PANK3: variants seen among roughly 807,000 people sequenced by gnomAD.
PANK3 encodes the protein hPanK3.
A neutral mutation model predicts 39.4 loss-of-function variants in PANK3; 20 were observed. That is an observed-to-expected ratio of 0.51 (90% CI 0.36 to 0.74). The LOEUF is 0.74. Ranked by LOEUF, PANK3 falls within the 30% of genes least tolerant of loss-of-function variation. The pLI is 0.00. For synonymous variants in PANK3, 140 were observed against 157.3 expected (o/e 0.89, Z 0.82); for missense variants, 265 against 437.0 (o/e 0.61, Z 3.51).
intron 3 of PANK3, among the ~76,000 whole-genome samples, 183 bp from the exon 4 acceptor site, chr5:168,564,248 T>C (rs1011895657): frequency 1.3e-5 from 2 of 151,876 alleles, no homozygotes; most frequent in Non-Finnish European, 2.9e-5. Context: ...ACTTGTTAGA[T>C]CAAAGAATAA....
chr5:168,564,201 C>T, intron 3 of PANK3, 136 bp from the exon 4 acceptor site: 1 of 754,602 alleles, frequency 1.3e-6, no homozygotes, highest in Non-Finnish European at 1.9e-6. Context: ...GCTGAAATAA[C>T]ATAACGAAGG....
chr5:168,563,459 G>A (rs1338126793), intron 4 of PANK3, among the ~76,000 whole-genome samples: 1 of 152,058 alleles, frequency 6.6e-6, no homozygotes, highest in Non-Finnish European at 1.5e-5. Context: ...CCGCTCTTTT[G>A]CATAATTAAC....
chr5:168,560,699 A>G (rs1342618794), intron 5 of PANK3, among the ~76,000 whole-genome samples: 2 of 152,224 alleles, frequency 1.3e-5, no homozygotes, highest in Non-Finnish European at 2.9e-5. Flanking sequence ...CGTACTTCCC[A>G]ATCCATTTAA....
chr5:168,553,200 C>A lies in PANK3; in HGVS notation c.*4371G>T. ...GCTCTTCAGACCCCAAGATGAACTC[C>A]AGACCAAAGATCTGGATCTCCAGAA... On this transcript the variant is annotated 3_prime_UTR_variant, in exon 7 of 7. Transcript: ENST00000239231. 2.0e-6 allele frequency: 1 copy of A among 503,118 alleles called. No homozygotes were observed. The highest frequency in any genetic ancestry group is 4.1e-6 in the Non-Finnish European group (1 of 245,920). 31.2% of individuals were successfully genotyped at this position (503,118 alleles called of 1,614,324 possible).
At chr5:168,574,525 T>G (rs1759700989) in intron 1 of PANK3, among the ~76,000 whole-genome samples, 1 of 152,166 alleles carries the variant, frequency 6.6e-6, no homozygotes, top group African/African-American at 2.4e-5. Flanking sequence ...AGACATTAAG[T>G]ACAACCACAG....
rs192977233 is a variant in PANK3 at position 168,554,451 on chromosome 5, T to A, written c.*3120A>T. The A allele has an allele frequency of 1.6e-4, 24 of 152,302 alleles. No individual in the cohort carries two copies. Among genetic ancestry groups the A allele is most frequent in the Admixed American group, 1.4e-3 (22 of 15,302 alleles). 9.4% of individuals were successfully genotyped at this position (152,302 alleles called of 1,614,324 possible). A position where few individuals can be genotyped will look rare whatever the true frequency, so the allele number is the denominator to read the frequency against. ...GTAGTTTTCAAATTTTATACTCAAG[T>A]CCTTATATTCGATTACAGGCATGAG... On this transcript the variant is annotated 3_prime_UTR_variant, in exon 7 of 7. Transcript: ENST00000239231.
At chr5:168,565,269 T>C (rs1310640992) in intron 3 of PANK3, among the ~76,000 whole-genome samples, 1 of 152,218 alleles carries the variant, frequency 6.6e-6, no homozygotes, top group East Asian at 1.9e-4. Context: ...CACCTCTCTG[T>C]AAAAGTTGAT....
chr5:168,575,815 AGGGGG>A (rs1161110331), intron 1 of PANK3, among the ~76,000 whole-genome samples: 1 of 151,684 alleles, frequency 6.6e-6, no homozygotes, highest in African/African-American at 2.4e-5. Flanking sequence ...GAAATAGGGG[AGGGGG>A]GAGATACTAA....
At chr5:168,572,107 G>A (rs1451329108) in intron 1 of PANK3, among the ~76,000 whole-genome samples, 1 of 143,910 alleles carries the variant, frequency 6.9e-6, no homozygotes, top group African/African-American at 2.5e-5. Context: ...TAGCAACATA[G>A]GCCTTTTTTT....
chr5:168,556,041 G>A lies in PANK3; in HGVS notation c.*1530C>T, dbSNP rs1445062822. The A allele has an allele frequency of 3.3e-5, 5 of 152,150 alleles. No homozygotes were observed. Among genetic ancestry groups the A allele is most frequent in the African/African-American group, 4.8e-5 (2 of 41,422 alleles). The allele number at this position is 152,150 out of a possible 1,614,324, so 9.4% of individuals were successfully genotyped here. A position where few individuals can be genotyped will look rare whatever the true frequency, so the allele number is the denominator to read the frequency against. On this transcript the variant is annotated 3_prime_UTR_variant, in exon 7 of 7. Coordinates refer to ENST00000239231, the MANE Select transcript of PANK3 (RefSeq NM_024594.4). ...CCTCTGCTGAGTGGAATTTGCATTCGTTACTTCAAAATTCAGACTCATCTA... is the reference window on the plus strand; with the variant it reads ...CCTCTGCTGAGTGGAATTTGCATTCATTACTTCAAAATTCAGACTCATCTA...
At chr5:168,569,180 G>GTTTTTT (rs544747926) in intron 1 of PANK3, among the ~76,000 whole-genome samples, 182 bp from the exon 2 acceptor site, 13 of 115,926 alleles carry the variant, frequency 1.1e-4, no homozygotes, top group South Asian at 2.7e-4. Context: ...TCCCTTCAAA[G>GTTTTTT]TTTTTTTTTT....
chr5:168,574,516 G>A (rs1759700755), intron 1 of PANK3, among the ~76,000 whole-genome samples: 1 of 152,120 alleles, frequency 6.6e-6, no homozygotes, highest in Non-Finnish European at 1.5e-5. Flanking sequence ...TAAATATACA[G>A]ACATTAAGTA....
intron 6 of PANK3, 42 bp downstream of exon 6, chr5:168,558,990 A>C (rs760911250): frequency 1.3e-6 from 2 of 1,582,724 alleles, no homozygotes; most frequent in Non-Finnish European, 1.7e-6. Context: ...TCTCTTAAAA[A>C]ACATGCTATT....
At position 168,577,205 on chromosome 5, in the gene PANK3, A is replaced by C. The variant is rs374379956; in HGVS notation, c.28+2051T>G. 3.1e-3 allele frequency among the ~76,000 whole-genome samples: 476 copies of C among 152,088 alleles called. 3 individuals are homozygous for C. The highest frequency in any genetic ancestry group is 0.011 in the African/African-American group (452 of 41,464). On this transcript the variant is annotated intron_variant, in intron 1 of 6. Coordinates refer to ENST00000239231, the MANE Select transcript of PANK3 (RefSeq NM_024594.4). Reference sequence around the variant, plus strand: ...TATTTTTTATTATCTGGGACAGTTCATGGTTGAAATACCTTCTTTCCCACA... The same window carrying C: ...TATTTTTTATTATCTGGGACAGTTCCTGGTTGAAATACCTTCTTTCCCACA...
chr5:168,569,299 C>G (rs899674527), intron 1 of PANK3, among the ~76,000 whole-genome samples: 3 of 150,170 alleles, frequency 2.0e-5, no homozygotes, highest in African/African-American at 7.3e-5. Context: ...ATTCTCCTGC[C>G]TCAGCCTCCC....
chr5:168,552,041 T>A lies in PANK3; in HGVS notation c.*5530A>T, dbSNP rs1759279961. On this transcript the variant is annotated 3_prime_UTR_variant, in exon 7 of 7. Transcript: ENST00000239231. Reference sequence around the variant, plus strand: ...ACAAGTCTCTAATTAAAAGGCAATCTTCTCGCGGGGTCAGGGTGGTGGTGA... The same window carrying A: ...ACAAGTCTCTAATTAAAAGGCAATCATCTCGCGGGGTCAGGGTGGTGGTGA... 1 of 152,248 alleles carries A rather than the reference T, an allele frequency of 6.6e-6. No homozygotes were observed. The highest frequency in any genetic ancestry group is 2.4e-5 in the African/African-American group (1 of 41,444). 9.4% of individuals were successfully genotyped at this position (152,248 alleles called of 1,614,324 possible).
At chr5:168,559,280 A>G (rs1759405179) in intron 5 of PANK3, 123 bp from the exon 6 acceptor site, 3 of 598,424 alleles carry the variant, frequency 5.0e-6, no homozygotes, top group Non-Finnish European at 8.0e-6. Context: ...CTTTATTAGT[A>G]TAACACCTAC....
intron 1 of PANK3, among the ~76,000 whole-genome samples, chr5:168,578,292 G>A (rs900161083): frequency 7.9e-5 from 12 of 152,216 alleles, no homozygotes; most frequent in African/African-American, 2.9e-4. Context: ...TCTCAGGTGA[G>A]TTTTACAGGA....
chr5:168,570,204 A>C (rs1417510047), intron 1 of PANK3, among the ~76,000 whole-genome samples: 1 of 151,952 alleles, frequency 6.6e-6, no homozygotes, highest in Non-Finnish European at 1.5e-5. Flanking sequence ...AACACAGCGA[A>C]ACCCCGTCTC....
Sources: gnomAD v4.1 joint callset for allele counts (sites outside exome capture counted in the v4.1 genomes callset) on GRCh38, gnomAD v4.1.1 for gene constraint, MANE v1.5 for transcripts, NCBI Gene and HGNC (gene_info 2026-07-23, HGNC 2026-07-21) for gene names.